Variants in MTMR10 observed in about 807,000 individuals in gnomAD.
The protein encoded by MTMR10 is myotubularin related protein 10.
In MTMR10, 56 loss-of-function variants were observed where a neutral mutation model predicts 88.1. That is an observed-to-expected ratio of 0.64 (90% CI 0.51 to 0.79). MTMR10 has a LOEUF of 0.79. Ranked by LOEUF, MTMR10 falls within the 30% of genes least tolerant of loss-of-function variation. The probability of loss-of-function intolerance (pLI) is 0.00; values close to 1 mark genes in which losing one functional copy is unlikely to be tolerated. For synonymous variants in MTMR10, 380 were observed against 340.9 expected (o/e 1.11, Z -1.26); for missense variants, 883 against 924.7 (o/e 0.95, Z 0.58).
At chr15:30,944,605 A>T (rs2063141985) in intron 14 of MTMR10, among the ~76,000 whole-genome samples, 2 of 151,784 alleles carry the variant, frequency 1.3e-5, no homozygotes, top group African/African-American at 4.8e-5. Flanking sequence ...TTGACATTTC[A>T]TCATGTACAT....
chr15:30,920,946 G>A, the MTMR10 span, among the ~76,000 whole-genome samples: 6 of 152,144 alleles, frequency 3.9e-5, no homozygotes, highest in Non-Finnish European at 7.4e-5. Context: ...ACCATGCCTA[G>A]CTAATTTTTG....
chr15:30,965,792 G>A (rs1036427863), intron 6 of MTMR10: 3 of 303,896 alleles, frequency 9.9e-6, no homozygotes, highest in Non-Finnish European at 2.0e-5. Flanking sequence ...ACTAAGGCCA[G>A]CTAAAATATC....
At chr15:30,954,585 A>T (rs2063295926) in intron 10 of MTMR10, among the ~76,000 whole-genome samples, 178 bp downstream of exon 10, 1 of 152,298 alleles carries the variant, frequency 6.6e-6, no homozygotes, top group South Asian at 2.1e-4. Context: ...AGTAGTTTAA[A>T]CTTAATTCCT....
chr15:30,925,678 T>G, the MTMR10 span: 24 of 1,228,828 alleles, frequency 2.0e-5, no homozygotes, highest in Non-Finnish European at 2.8e-5. Context: ...TGTGCTCTAC[T>G]AAGTGACTGA....
rs564921866 is a variant in MTMR10 at position 30,939,949 on chromosome 15, C to G, written c.*1521G>C. The G allele has an allele frequency of 1.0e-6, 1 of 984,570 alleles. No individual in the cohort carries two copies. Among genetic ancestry groups the G allele is most frequent in the African/African-American group, 1.7e-5 (1 of 57,362 alleles). 61.0% of individuals were successfully genotyped at this position (984,570 alleles called of 1,614,324 possible). ...TTTCTTAAGATATTTTTTAAGAACTCCTGTCCTGTTATATCCAGAGACATT... is the reference window on the plus strand; with the variant it reads ...TTTCTTAAGATATTTTTTAAGAACTGCTGTCCTGTTATATCCAGAGACATT... On this transcript the variant is annotated 3_prime_UTR_variant, in exon 16 of 16. Transcript: ENST00000435680.
rs200875111 is a variant in MTMR10, at chr15:30,966,860, T to TTC, written c.565+1059_565+1060insGA. 8.5e-3 allele frequency among the ~76,000 whole-genome samples: 1,236 copies of TTC among 145,844 alleles called. 15 individuals are homozygous for TTC. The highest frequency in any genetic ancestry group is 0.029 in the African/African-American group (1,148 of 39,780). Reference sequence around the variant, plus strand: ...ATATATTATCTCTACTGTATTTTCTTTTTTTTTTTTTTTTGGTCCTCTCAG... The same window carrying TTC: ...ATATATTATCTCTACTGTATTTTCTTTCTTTTTTTTTTTTTTGGTCCTCTCAG... On this transcript the variant is annotated intron_variant, in intron 6 of 15. Coordinates refer to ENST00000435680, the MANE Select transcript of MTMR10 (RefSeq NM_017762.3).
chr15:30,967,231 G>A (rs116520785), intron 6 of MTMR10, among the ~76,000 whole-genome samples: 1,707 of 152,120 alleles, frequency 0.011, 23 homozygotes, highest in African/African-American at 0.038. Context: ...CAGGAGACAC[G>A]GCTCTTTGTT....
At chr15:30,976,041 A>G (rs2030114442) in intron 3 of MTMR10, among the ~76,000 whole-genome samples, 1 of 151,824 alleles carries the variant, frequency 6.6e-6, no homozygotes, top group South Asian at 2.1e-4. Context: ...TTTTAAATCG[A>G]TACTATTCTT....
chr15:30,955,846 C>T (rs892020474), intron 9 of MTMR10, among the ~76,000 whole-genome samples: 7 of 152,136 alleles, frequency 4.6e-5, no homozygotes, highest in Non-Finnish European at 1.0e-4. Context: ...TCCTCCCACC[C>T]TTCCTCTATT....
At chr15:30,953,860 G>T (rs973284347) in intron 10 of MTMR10, among the ~76,000 whole-genome samples, 4 of 152,186 alleles carry the variant, frequency 2.6e-5, no homozygotes, top group African/African-American at 4.8e-5. Flanking sequence ...GCTCTTTCAG[G>T]GAAATCTTGG....
At chr15:30,979,105 G>C in intron 2 of MTMR10, among the ~76,000 whole-genome samples, 1 of 152,138 alleles carries the variant, frequency 6.6e-6, no homozygotes, top group Non-Finnish European at 1.5e-5. Flanking sequence ...AGTTCAGATA[G>C]AGGACACAGC....
chr15:30,990,723 C>T, intron 2 of MTMR10, 54 bp downstream of exon 2: 1 of 1,503,880 alleles, frequency 6.6e-7, no homozygotes, highest in Non-Finnish European at 9.1e-7. Context: ...GCAGAATAAT[C>T]TTAAACCAAA....
chr15:30,937,901 G>C (rs2062907970), downstream of MTMR10, among the ~76,000 whole-genome samples: 1 of 151,974 alleles, frequency 6.6e-6, no homozygotes, highest in Non-Finnish European at 1.5e-5. Context: ...AAAAGTAGTG[G>C]CTGGGCACAG....
At chr15:30,923,663 C>G in the MTMR10 span, among the ~76,000 whole-genome samples, 3 of 152,238 alleles carry the variant, frequency 2.0e-5, no homozygotes, top group Non-Finnish European at 4.4e-5. Flanking sequence ...CCCTCCCTCT[C>G]CGAGGCCAGG....
At chr15:30,937,231 G>A (rs1164152989), downstream of MTMR10, 21 of 1,613,928 alleles carry the variant, frequency 1.3e-5, no homozygotes, top group Non-Finnish European at 1.7e-5. Context: ...GTTGCAGTTG[G>A]AGCTAAGAGC....
intron 5 of MTMR10, 39 bp downstream of exon 5, chr15:30,974,275 G>A: frequency 3.3e-6 from 5 of 1,492,760 alleles, no homozygotes; most frequent in Non-Finnish European, 4.5e-6. Context: ...AGTAAACACA[G>A]TACAGAACCC....
intron 5 of MTMR10, 113 bp downstream of exon 5, chr15:30,974,201 A>G: frequency 9.7e-7 from 1 of 1,028,720 alleles, no homozygotes; most frequent in Non-Finnish European, 1.3e-6. Flanking sequence ...AAGATGTCTG[A>G]TAACTTCCCC....
At chr15:30,929,486 G>A in the MTMR10 span, 5 of 856,670 alleles carry the variant, frequency 5.8e-6, no homozygotes, top group Non-Finnish European at 9.0e-6. Flanking sequence ...AAATACACAT[G>A]TGTGTATATG....
Position 30,939,496 on chromosome 15 carries a change from G to A in MTMR10, c.*1974C>T, listed in dbSNP as rs1223205001. On this transcript the variant is annotated 3_prime_UTR_variant, in exon 16 of 16. Transcript: ENST00000435680. ...TTTTTCATATTATGCACAATAAACT[G>A]TAGCACAATAATCATGATATAACAA... 9.1e-6 allele frequency: 9 copies of A among 983,786 alleles called. No homozygotes were observed. Among genetic ancestry groups the A allele is most frequent in the Non-Finnish European group, 1.1e-5 (9 of 828,566 alleles). 60.9% of individuals were successfully genotyped at this position (983,786 alleles called of 1,614,324 possible). A position where few individuals can be genotyped will look rare whatever the true frequency, so the allele number is the denominator to read the frequency against.
Sources: allele counts gnomAD v4.1 joint callset (sites outside exome capture counted in the v4.1 genomes callset), GRCh38; gene constraint gnomAD v4.1.1; transcripts MANE v1.5; gene names NCBI Gene and HGNC (gene_info 2026-07-23, HGNC 2026-07-21).